The following GRIP1 variants were observed in gnomAD, a reference collection of about 807,000 sequenced individuals.
The protein encoded by GRIP1 is glutamate receptor-interacting protein 1.
A neutral mutation model predicts 129.9 loss-of-function variants in GRIP1; 45 were observed. The ratio of observed to expected loss-of-function variants is 0.35; its 90% CI spans 0.27 to 0.44. The LOEUF is 0.44. Ranked by LOEUF, GRIP1 falls within the 20% of genes least tolerant of loss-of-function variation. GRIP1 has a pLI of 1.00. For synonymous variants in GRIP1, 530 were observed against 520.8 expected (o/e 1.02, Z -0.24); for missense variants, 1,196 against 1,396.8 (o/e 0.86, Z 2.29).
chr12:66,668,546 G>A (rs1199846442), intron 1 of GRIP1, among the ~76,000 whole-genome samples: 4 of 152,178 alleles, frequency 2.6e-5, no homozygotes, highest in Admixed American at 6.5e-5. Context: ...GGGAGGAGGA[G>A]GGGAAGGAGG....
chr12:66,903,854 T>C (rs533773924), intron 1 of GRIP1, among the ~76,000 whole-genome samples: 2 of 152,318 alleles, frequency 1.3e-5, no homozygotes, highest in South Asian at 4.1e-4. Context: ...ATAGGGTTTA[T>C]GGACTGCTGC....
intron 1 of GRIP1, among the ~76,000 whole-genome samples, chr12:66,993,759 C>T (rs960214429): frequency 3.4e-5 from 5 of 146,596 alleles, no homozygotes; most frequent in African/African-American, 1.3e-4. Flanking sequence ...CCACTGCACA[C>T]CAGCCTGGAC....
At chr12:66,877,028 T>A (rs73331164) in intron 1 of GRIP1, among the ~76,000 whole-genome samples, 6,903 of 152,140 alleles carry the variant, frequency 0.045, 537 homozygotes, top group African/African-American at 0.16. Flanking sequence ...AATATGCATA[T>A]CTGTGTAACT....
chr12:66,897,480 T>A (rs1299204670), intron 1 of GRIP1, among the ~76,000 whole-genome samples: 1 of 152,174 alleles, frequency 6.6e-6, no homozygotes, highest in Admixed American at 6.5e-5. Flanking sequence ...AAAAATACAA[T>A]GTTCCCTTAA....
At chr12:66,448,754 G>C (rs556828187) in intron 11 of GRIP1, among the ~76,000 whole-genome samples, 4 of 152,178 alleles carry the variant, frequency 2.6e-5, no homozygotes, top group Non-Finnish European at 5.9e-5. Flanking sequence ...TACAATACTG[G>C]ATAGACTTCT....
At chr12:66,423,287 TG>T (rs530858467) in intron 14 of GRIP1, among the ~76,000 whole-genome samples, 4 of 152,224 alleles carry the variant, frequency 2.6e-5, no homozygotes, top group South Asian at 2.1e-4. Flanking sequence ...ATACAGTTTT[TG>T]TTGGGAGGAT....
Position 66,465,322 on chromosome 12 carries a change from T to G in GRIP1, c.825A>C (p.Lys275Asn), listed in dbSNP as rs2059256845. The G allele has an allele frequency of 4.3e-6, 7 of 1,613,984 alleles. No homozygotes were observed. Among genetic ancestry groups the G allele is most frequent in the Non-Finnish European group, 5.9e-6 (7 of 1,179,840 alleles). ...TGATTTTGTCTATGACAATGACTTG[T>G]TTGTTACAGCACATCGAGGTAGTTA... is the stretch of plus-strand genomic sequence containing the variant. ...VALTTSMCCN[K>N]QVIVIDKIKS... Residue 275 changes from lysine (K) to asparagine (N), a missense_variant, in exon 8 of 25, where the codon AAA becomes AAC. Physicochemically the swap from Lys to Asn is moderately conservative, Grantham distance 94. Transcript: ENST00000359742.
intron 1 of GRIP1, among the ~76,000 whole-genome samples, chr12:66,921,902 TA>T (rs2041219626): frequency 6.6e-6 from 1 of 152,168 alleles, no homozygotes; most frequent in Non-Finnish European, 1.5e-5. Context: ...TAATTGTCAC[TA>T]AAAAGTAGCT....
At chr12:66,476,704 G>A (rs1475999811) in intron 7 of GRIP1, among the ~76,000 whole-genome samples, 1 of 152,156 alleles carries the variant, frequency 6.6e-6, no homozygotes, top group African/African-American at 2.4e-5. Context: ...TCATCCCTGG[G>A]ATGCAAGCCT....
intron 1 of GRIP1, among the ~76,000 whole-genome samples, chr12:66,919,035 C>A (rs1328262335): frequency 3.3e-5 from 5 of 152,152 alleles, no homozygotes; most frequent in Non-Finnish European, 5.9e-5. Flanking sequence ...TTCAGTCCCA[C>A]AAAGGGCTGT....
chr12:66,429,894 G>A (rs1010115610), intron 14 of GRIP1, among the ~76,000 whole-genome samples: 3 of 152,084 alleles, frequency 2.0e-5, no homozygotes, highest in African/African-American at 7.2e-5. Flanking sequence ...ATGAAGAAAC[G>A]GCACAGAGAG....
intron 13 of GRIP1, among the ~76,000 whole-genome samples, chr12:66,438,424 A>G (rs2058374038): frequency 6.6e-6 from 1 of 152,138 alleles, no homozygotes; most frequent in Admixed American, 6.6e-5. Context: ...CTCCTGATGC[A>G]GTCTGAAGTT....
At chr12:66,504,451 AAT>A (rs1362157940) in intron 7 of GRIP1, among the ~76,000 whole-genome samples, 11 of 152,166 alleles carry the variant, frequency 7.2e-5, no homozygotes, top group Non-Finnish European at 2.9e-5. Flanking sequence ...TAGTGGCTTG[AAT>A]CTCACTTGGG....
At chr12:66,393,235 G>C (rs1321523010) in intron 17 of GRIP1, among the ~76,000 whole-genome samples, 1 of 123,146 alleles carries the variant, frequency 8.1e-6, no homozygotes, top group Non-Finnish European at 1.6e-5. Context: ...CTGGAGTCCA[G>C]TGGCACGATC....
chr12:66,377,225 C>T lies in GRIP1; in HGVS notation c.2682G>A (p.Ala894=), dbSNP rs1318696561. Residue 894 remains alanine (A), a synonymous_variant, in exon 21 of 25, where the codon GCG becomes GCA. Transcript: ENST00000359742. The part of the protein sequence containing the change: ...TEQEENFWSQ[A]LEDLETCGQS... ...GTCCGCAGGTTTCCAAATCCTCCAG[C>T]GCTTGAGACCAGAAGTTCTCCTCTT... is the stretch of plus-strand genomic sequence containing the variant. 6.2e-7 allele frequency: 1 copy of T among 1,614,018 alleles called. No individual in the cohort carries two copies. Among genetic ancestry groups the T allele is most frequent in the Non-Finnish European group, 8.5e-7 (1 of 1,179,872 alleles).
intron 1 of GRIP1, among the ~76,000 whole-genome samples, chr12:66,659,957 A>AG (rs2033396438): frequency 6.6e-6 from 1 of 152,182 alleles, no homozygotes; most frequent in African/African-American, 2.4e-5. Context: ...AAATAAACAA[A>AG]GGGTTGTTTT....
At chr12:66,364,967 A>C (rs937719387) in intron 23 of GRIP1, among the ~76,000 whole-genome samples, 6 of 152,114 alleles carry the variant, frequency 3.9e-5, no homozygotes, top group African/African-American at 1.4e-4. Flanking sequence ...ACCTTGGCAA[A>C]GTAAAAATGA....
At chr12:66,752,444 ACTC>A (rs2037157870) in intron 1 of GRIP1, among the ~76,000 whole-genome samples, 1 of 152,240 alleles carries the variant, frequency 6.6e-6, no homozygotes, top group Admixed American at 6.5e-5. Flanking sequence ...TGAATAGAGT[ACTC>A]CTCAAAATAT....
At chr12:67,029,043 A>C (rs1335827793) in intron 1 of GRIP1, among the ~76,000 whole-genome samples, 1 of 152,134 alleles carries the variant, frequency 6.6e-6, no homozygotes, top group African/African-American at 2.4e-5. Context: ...CTGAGGTTGC[A>C]GAATCACTTG....
Sources: gnomAD v4.1 joint callset for allele counts (sites outside exome capture counted in the v4.1 genomes callset) on GRCh38, gnomAD v4.1.1 for gene constraint, MANE v1.5 for transcripts, NCBI Gene and HGNC (gene_info 2026-07-23, HGNC 2026-07-21) for gene names.